The following RALGAPA2 variants were observed in gnomAD, a reference collection of about 807,000 sequenced individuals.
RALGAPA2 encodes ral GTPase-activating protein subunit alpha-2.
A neutral mutation model predicts 230.4 loss-of-function variants in RALGAPA2; 139 were observed. The ratio of observed to expected loss-of-function variants is 0.60; its 90% confidence interval spans 0.53 to 0.69. The LOEUF is 0.69. Among genes scored for constraint, RALGAPA2 ranks in the 30% least tolerant of loss-of-function variants. The pLI is 0.00. For missense variants in RALGAPA2, 2,163 were observed against 2,276.0 expected (o/e 0.95, Z 1.01); for synonymous variants, 847 against 837.8 (o/e 1.01, Z -0.19).
chr20:20,423,071 A>T (rs968264209), intron 37 of RALGAPA2, among the ~76,000 whole-genome samples: 3 of 152,222 alleles, frequency 2.0e-5, no homozygotes, highest in South Asian at 4.1e-4. Context: ...AGGAAGCGGC[A>T]CAATGCAGGG....
chr20:20,557,012 A>T (rs1252438534), intron 23 of RALGAPA2, among the ~76,000 whole-genome samples: 1 of 152,150 alleles, frequency 6.6e-6, no homozygotes, highest in Non-Finnish European at 1.5e-5. Context: ...CTGCCATCAT[A>T]GATAAAAGGA....
rs2145567395 is a variant in RALGAPA2, at chr20:20,531,670, C to T, written c.3582+17G>A. On this transcript the variant is annotated intron_variant, in intron 27 of 39. Coordinates refer to ENST00000202677, the MANE Select transcript of RALGAPA2 (RefSeq NM_020343.4). ...GATATGGCTTAATATCCAATCAGCA[C>T]CACAAACTGGTAATACCTTCAGAGT... 1 of 1,565,248 alleles carries T rather than the reference C, an allele frequency of 6.4e-7. No individual in the cohort carries two copies. Among genetic ancestry groups the T allele is most frequent in the East Asian group, 2.3e-5 (1 of 44,058 alleles).
intron 37 of RALGAPA2, among the ~76,000 whole-genome samples, chr20:20,451,935 GT>G (rs2060997209): frequency 1.3e-5 from 2 of 152,182 alleles, no homozygotes; most frequent in Non-Finnish European, 2.9e-5. Flanking sequence ...ATACTATAAT[GT>G]GAGCTTGAAA....
intron 3 of RALGAPA2, among the ~76,000 whole-genome samples, chr20:20,675,872 T>C (rs186437229): frequency 1.3e-5 from 2 of 152,290 alleles, no homozygotes; most frequent in Non-Finnish European, 1.5e-5. Flanking sequence ...TATATAACAT[T>C]TTTGGGTTTT....
At chr20:20,421,427 T>C (rs1276417243) in intron 37 of RALGAPA2, among the ~76,000 whole-genome samples, 5 of 152,130 alleles carry the variant, frequency 3.3e-5, no homozygotes, top group Non-Finnish European at 5.9e-5. Flanking sequence ...TCCCAGCACT[T>C]TGGAAGGCTG....
chr20:20,627,144 CAGA>C (rs2066514164), intron 10 of RALGAPA2, among the ~76,000 whole-genome samples: 1 of 152,032 alleles, frequency 6.6e-6, no homozygotes, highest in Admixed American at 6.5e-5. Flanking sequence ...AGGGATGACA[CAGA>C]AGGATGGGAG....
chr20:20,667,090 T>A (rs1008157980), intron 3 of RALGAPA2, among the ~76,000 whole-genome samples: 1 of 152,184 alleles, frequency 6.6e-6, no homozygotes, highest in African/African-American at 2.4e-5. Flanking sequence ...TGCATTTGGA[T>A]GGGAAATAAA....
At chr20:20,698,339 C>T (rs940000591) in intron 1 of RALGAPA2, among the ~76,000 whole-genome samples, 3 of 151,140 alleles carry the variant, frequency 2.0e-5, no homozygotes, top group South Asian at 2.1e-4. Flanking sequence ...GGCTCAATCT[C>T]GGCTCACTGC....
At position 20,503,430 on chromosome 20, in the gene RALGAPA2, T is replaced by C. The variant is rs1488260524; in HGVS notation, c.5129A>G (p.Tyr1710Cys). The change falls in exon 35 of 40, where the codon TAT becomes TGT. Residue 1710 changes from tyrosine (Y) to cysteine (C), a missense_variant. Coordinates refer to ENST00000202677, the MANE Select transcript of RALGAPA2 (RefSeq NM_020343.4). Reference sequence around the variant, plus strand: ...AATCACTTCCACAGTTGAGGTAGCATAGTAAGGGGCCGTCTGCCCGGTGCT... The same window carrying C: ...AATCACTTCCACAGTTGAGGTAGCACAGTAAGGGGCCGTCTGCCCGGTGCT... ...NGSTGQTAPY[Y>C]ATSTVEVIFH... The C allele has an allele frequency of 1.1e-5, 18 of 1,608,894 alleles. No homozygotes were observed. Among genetic ancestry groups the C allele is most frequent in the Non-Finnish European group, 1.4e-5 (17 of 1,177,246 alleles).
chr20:20,512,242 C>A (rs777812454), intron 32 of RALGAPA2, among the ~76,000 whole-genome samples: 1 of 116,466 alleles, frequency 8.6e-6, no homozygotes, highest in African/African-American at 3.3e-5. Context: ...CACACACATA[C>A]ACACACACAC....
chr20:20,620,765 G>T, intron 10 of RALGAPA2, 135 bp from the exon 11 acceptor site: 1 of 677,292 alleles, frequency 1.5e-6, no homozygotes, highest in South Asian at 3.5e-5. Context: ...ATACTACACA[G>T]GGCCACAAAT....
At chr20:20,650,458 T>A in intron 4 of RALGAPA2, among the ~76,000 whole-genome samples, 1 of 152,212 alleles carries the variant, frequency 6.6e-6, no homozygotes, top group East Asian at 1.9e-4. Flanking sequence ...TCATTTGCAG[T>A]GTGGGACAAG....
At chr20:20,600,480 G>A (rs2065606029) in intron 16 of RALGAPA2, among the ~76,000 whole-genome samples, 1 of 152,198 alleles carries the variant, frequency 6.6e-6, no homozygotes, top group African/African-American at 2.4e-5. Context: ...ATGTAAATAA[G>A]GTGATAATTT....
chr20:20,648,161 G>T lies in RALGAPA2; in HGVS notation c.329-4612C>A, dbSNP rs558699445. 2.1e-4 allele frequency among the ~76,000 whole-genome samples: 32 copies of T among 152,288 alleles called. No homozygotes were observed. The East Asian group carries it at 6.0e-3, about 28-fold the overall frequency. Reference sequence around the variant, plus strand: ...GGAATACTGTACTACTCAGAAATTAGAAGGAATGAACTATTAATTCATGAA... The same window carrying T: ...GGAATACTGTACTACTCAGAAATTATAAGGAATGAACTATTAATTCATGAA... On this transcript the variant is annotated intron_variant, in intron 4 of 39. Transcript: ENST00000202677.
At chr20:20,599,085 C>T (rs1397024478) in intron 16 of RALGAPA2, among the ~76,000 whole-genome samples, 1 of 152,156 alleles carries the variant, frequency 6.6e-6, no homozygotes, top group Non-Finnish European at 1.5e-5. Context: ...GCCTTTCCTT[C>T]TTTCTGCTGT....
intron 23 of RALGAPA2, among the ~76,000 whole-genome samples, chr20:20,559,494 C>T (rs953360270): frequency 1.3e-4 from 20 of 152,154 alleles, no homozygotes; most frequent in Admixed American, 2.6e-4. Flanking sequence ...TCCTGCCCAT[C>T]GTATGATGAA....
At chr20:20,601,882 A>C (rs1346731222) in intron 15 of RALGAPA2, 36 bp from the exon 16 acceptor site, 22 of 1,504,626 alleles carry the variant, frequency 1.5e-5, no homozygotes, top group Non-Finnish European at 2.0e-5. Flanking sequence ...TAAAGGCTGA[A>C]TTCATTATTA....
intron 8 of RALGAPA2, among the ~76,000 whole-genome samples, chr20:20,636,430 T>C (rs2146474047): frequency 6.6e-6 from 1 of 152,220 alleles, no homozygotes; most frequent in Non-Finnish European, 1.5e-5. Context: ...AGAAACAAAT[T>C]TTGAAAAAAT....
intron 37 of RALGAPA2, among the ~76,000 whole-genome samples, chr20:20,426,590 T>C (rs1350962536): frequency 2.6e-5 from 4 of 152,184 alleles, no homozygotes; most frequent in Non-Finnish European, 5.9e-5. Flanking sequence ...AGGGAAACAC[T>C]GTAATGATCT....
Sources: allele counts gnomAD v4.1 joint callset (sites outside exome capture counted in the v4.1 genomes callset), GRCh38; gene constraint gnomAD v4.1.1; transcripts MANE v1.5; gene names NCBI Gene and HGNC (gene_info 2026-07-23, HGNC 2026-07-21).